Variants in C4orf50 observed in about 807,000 individuals in gnomAD.
The protein encoded by C4orf50 is uncharacterized protein C4orf50.
In C4orf50, 80 loss-of-function variants were observed where a neutral mutation model predicts 77.2. The observed-to-expected ratio is 1.04, with a 90% confidence interval of 0.87 to 1.25. The LOEUF is 1.25. Ranked by LOEUF, C4orf50 falls within the 50% of genes most tolerant of loss-of-function variation. The pLI, the probability that C4orf50 is intolerant of heterozygous loss-of-function variation, is 0.00. For synonymous variants in C4orf50, 532 were observed against 465.3 expected, an observed-to-expected ratio of 1.14 and a Z score of -1.84; for missense variants, 1,257 against 1,152.9, an observed-to-expected ratio of 1.09 and a Z score of -1.31.
chr4:6,014,926 A>C (rs1722626647), intron 23 of C4orf50, among the ~76,000 whole-genome samples: 1 of 152,146 alleles, frequency 6.6e-6, no homozygotes, highest in Admixed American at 6.5e-5. Flanking sequence ...CCTATGGCTC[A>C]TGGTGTCCCC....
At chr4:5,984,245 G>C (rs1720745498) in intron 28 of C4orf50, among the ~76,000 whole-genome samples, 1 of 152,138 alleles carries the variant, frequency 6.6e-6, no homozygotes, top group Admixed American at 6.5e-5. Context: ...CAATAATCAG[G>C]AATCTTCATA....
chr4:5,930,198 G>T (rs1332604607), intron 7 of C4orf50, among the ~76,000 whole-genome samples: 1 of 152,176 alleles, frequency 6.6e-6, no homozygotes, highest in South Asian at 2.1e-4. Flanking sequence ...GTCTCTCTAG[G>T]CCTCAGATTC....
rs536626747 is a variant in C4orf50 at position 5,908,127 on chromosome 4, T to A, written c.*2475-9939A>T. Among the ~76,000 whole-genome samples, 3 of 152,194 alleles carry A rather than the reference T, an allele frequency of 2.0e-5. No individual in the cohort carries two copies. The South Asian group carries it at 6.2e-4, about 31-fold the overall frequency. The stretch of plus-strand genomic sequence containing the variant: ...TAAGTACCTACTATATGCCAGGCAC[T>A]GTGTTCAAGGCTATGGAGAATGTTG... On this transcript the variant is annotated intron_variant, in intron 7 of 7. Transcript: ENST00000324058. The surrounding 1 kb of genome is among the most constrained non-coding windows in gnomAD (Gnocchi z 5.6).
At chr4:6,006,390 A>G (rs193045785) in intron 25 of C4orf50, among the ~76,000 whole-genome samples, 1 of 152,216 alleles carries the variant, frequency 6.6e-6, no homozygotes, top group African/African-American at 2.4e-5. Flanking sequence ...TAGTGCTTCC[A>G]TTGCAGAAGG....
chr4:6,011,787 G>A lies in C4orf50; in HGVS notation c.426+43C>T, dbSNP rs1277578842. 2 of 399,002 alleles carry A rather than the reference G, an allele frequency of 5.0e-6. No individual in the cohort carries two copies. Among genetic ancestry groups the A allele is most frequent in the Non-Finnish European group, 8.8e-6 (2 of 226,172 alleles). The allele number at this position is 399,002 out of a possible 1,614,324, so 24.7% of individuals were successfully genotyped here. Reference sequence around the variant, plus strand: ...GCTGCTGCTGAGTTCCCACGGCTCTGCTGGACAGGAAACAGGGCCTGGAAA... The same window carrying A: ...GCTGCTGCTGAGTTCCCACGGCTCTACTGGACAGGAAACAGGGCCTGGAAA... On this transcript the variant is annotated intron_variant, in intron 24 of 33. Transcript: ENST00000531445. The surrounding 1 kb of genome is among the most constrained non-coding windows in gnomAD (Gnocchi z 4.2).
rs1721327209 is a variant in C4orf50 at position 5,992,166 on chromosome 4, T to C, written c.1221+637A>G. ...GTGAGGAGCGAGGCATATAGGGATGTGACATCCAACAACAAAAATAAGAGA... is the reference window on the plus strand; with the variant it reads ...GTGAGGAGCGAGGCATATAGGGATGCGACATCCAACAACAAAAATAAGAGA... On this transcript the variant is annotated intron_variant, in intron 27 of 33. Transcript: ENST00000531445. This position sits in a 1 kb window ranked among gnomAD's most constrained non-coding sequence, Gnocchi z 5.0. Among the ~76,000 whole-genome samples the C allele has an allele frequency of 6.6e-6, 1 of 152,180 alleles. No homozygotes were observed. Among genetic ancestry groups the C allele is most frequent in the Non-Finnish European group, 1.5e-5 (1 of 68,028 alleles).
intron 7 of C4orf50, among the ~76,000 whole-genome samples, chr4:5,935,492 A>C (rs540200552): frequency 1.2e-4 from 19 of 152,334 alleles, no homozygotes; most frequent in African/African-American, 4.1e-4. Context: ...GGATTCCTAT[A>C]GATAAATCCC....
chr4:5,961,929 C>G (rs1210692129), intron 33 of C4orf50, among the ~76,000 whole-genome samples: 2 of 152,136 alleles, frequency 1.3e-5, no homozygotes, highest in African/African-American at 4.8e-5. Flanking sequence ...GGTCACTAAT[C>G]CCCTGGTGTC....
chr4:5,913,625 T>A (rs1716904091), intron 7 of C4orf50, among the ~76,000 whole-genome samples: 1 of 152,322 alleles, frequency 6.6e-6, no homozygotes, highest in African/African-American at 2.4e-5. Flanking sequence ...GTCCAATTGA[T>A]GGATTCGTTC....
downstream of C4orf50, among the ~76,000 whole-genome samples, chr4:5,956,060 T>C (rs568616289): frequency 6.6e-6 from 1 of 152,324 alleles, no homozygotes; most frequent in South Asian, 2.1e-4. Context: ...CAGTCACGCA[T>C]ATAACCACGG....
chr4:5,998,964 T>C (rs3887346), intron 25 of C4orf50, among the ~76,000 whole-genome samples: 112,567 of 152,168 alleles, frequency 0.74, 43,000 homozygotes, highest in African/African-American at 0.92. Context: ...CTTGCAGTGG[T>C]CCGTTCCTCT....
chr4:5,920,899 G>A (rs568989733), intron 7 of C4orf50, among the ~76,000 whole-genome samples: 1 of 152,336 alleles, frequency 6.6e-6, no homozygotes, highest in East Asian at 1.9e-4. Context: ...CTAGATTTTG[G>A]TCTCACTGGT....
rs572228414 is a variant in C4orf50, at chr4:5,972,347, A to G, written c.4104+1312T>C. Among the ~76,000 whole-genome samples the G allele has an allele frequency of 2.3e-4, 35 of 152,184 alleles. 1 individual carries two copies. In the East Asian group the frequency reaches 6.6e-3, roughly 29 times the overall value. ...CTTAACCCCCAGATATCAGGCCCCT[A>G]GTGGATCCCAAGGACTATGCAGGCA... On this transcript the variant is annotated intron_variant, in intron 31 of 33. Coordinates refer to ENST00000531445, the Ensembl canonical transcript of C4orf50.
At chr4:6,010,949 C>T (rs557715251) in intron 24 of C4orf50, among the ~76,000 whole-genome samples, 25 of 152,338 alleles carry the variant, frequency 1.6e-4, no homozygotes, top group African/African-American at 5.8e-4. Context: ...ATCATTCCCA[C>T]TTCACAGATG....
chr4:5,998,275 T>C (rs1721682886), intron 25 of C4orf50, among the ~76,000 whole-genome samples: 1 of 152,252 alleles, frequency 6.6e-6, no homozygotes, highest in Admixed American at 6.5e-5. Flanking sequence ...TGTCCATATT[T>C]TTTTATTAAG....
At chr4:5,940,055 T>G (rs1307372922) in intron 7 of C4orf50, among the ~76,000 whole-genome samples, 1 of 152,196 alleles carries the variant, frequency 6.6e-6, no homozygotes, top group East Asian at 1.9e-4. Context: ...ATGTGCGTGT[T>G]TCTCCCTTCA....
chr4:5,956,024 C>G (rs569276476), downstream of C4orf50, among the ~76,000 whole-genome samples: 36 of 152,302 alleles, frequency 2.4e-4, no homozygotes, highest in South Asian at 5.4e-3. Context: ...CCAGGATTTC[C>G]TCTTAGCAAT....
intron 7 of C4orf50, among the ~76,000 whole-genome samples, chr4:5,938,582 G>A (rs550687477): frequency 6.6e-4 from 70 of 105,916 alleles, no homozygotes; most frequent in African/African-American, 2.1e-3. Flanking sequence ...CCTTGAACAG[G>A]CCATTTTTTT....
At chr4:6,004,348 A>G (rs1408333676) in intron 25 of C4orf50, among the ~76,000 whole-genome samples, 22 of 97,982 alleles carry the variant, frequency 2.2e-4, no homozygotes, top group African/African-American at 9.0e-4. Context: ...GATGGTGATG[A>G]TGACGGTGAT....
Sources: gnomAD v4.1 joint callset for allele counts (sites outside exome capture counted in the v4.1 genomes callset) on GRCh38, gnomAD v4.1.1 for gene constraint, Gnocchi (gnomAD v3.1) non-coding constraint, MANE v1.5 for transcripts, NCBI Gene and HGNC (gene_info 2026-07-23, HGNC 2026-07-21) for gene names.